Variants in PLD1 observed in about 807,000 individuals in gnomAD.
The protein encoded by PLD1 is choline phosphatase 1.
PLD1 carries 112 observed loss-of-function variants against 137.1 expected under a neutral mutation model. The observed-to-expected ratio is 0.82, with a 90% CI of 0.70 to 0.96. PLD1 has a LOEUF of 0.96. PLD1 is among the 40% of genes least tolerant of loss of function. The probability of loss-of-function intolerance (pLI) is 0.00; values close to 1 mark genes in which losing one functional copy is unlikely to be tolerated. For missense variants in PLD1, 1,321 were observed against 1,342.0 expected (o/e 0.98, Z 0.24); for synonymous variants, 431 against 454.7 (o/e 0.95, Z 0.66).
chr3:171,648,822 G>A (rs1323583610), intron 21 of PLD1, among the ~76,000 whole-genome samples: 1 of 152,106 alleles, frequency 6.6e-6, no homozygotes, highest in African/African-American at 2.4e-5. Flanking sequence ...CCAAAGTGCT[G>A]GTATTACAGG....
At chr3:171,651,964 T>C (rs917231478) in intron 21 of PLD1, among the ~76,000 whole-genome samples, 3 of 152,154 alleles carry the variant, frequency 2.0e-5, no homozygotes, top group Admixed American at 6.5e-5. Flanking sequence ...ATTTTTAGAA[T>C]AGAATAAAAG....
At chr3:171,708,726 GA>G (rs1243100786) in intron 11 of PLD1, 28 bp downstream of exon 11, 5 of 1,254,466 alleles carry the variant, frequency 4.0e-6, no homozygotes, top group Non-Finnish European at 5.9e-6. Flanking sequence ...GAGACTTCCA[GA>G]AAAAAATTCC....
At chr3:171,690,285 T>C (rs1233264946) in intron 13 of PLD1, among the ~76,000 whole-genome samples, 1 of 152,102 alleles carries the variant, frequency 6.6e-6, no homozygotes. Context: ...GGTTTGTTGA[T>C]TTTATCTTTT....
At chr3:171,626,621 A>ATTTGCTTTACAGACAAGCAAATGCTG (rs1560157237) in intron 23 of PLD1, among the ~76,000 whole-genome samples, 16 of 152,014 alleles carry the variant, frequency 1.1e-4, no homozygotes, top group African/African-American at 3.9e-4. Flanking sequence ...GGTTACCCAC[A>ATTTGCTTTACAGACAAGCAAATGCTG]AAGGGAAGCC....
At position 171,669,862 on chromosome 3, in the gene PLD1, C is replaced by T. The variant is rs368010079; in HGVS notation, c.2229+4638G>A. 3.3e-5 allele frequency among the ~76,000 whole-genome samples: 5 copies of T among 152,326 alleles called. No homozygotes were observed. In the East Asian group the frequency reaches 5.8e-4, roughly 18 times the overall value. On this transcript the variant is annotated intron_variant, in intron 19 of 26. Transcript: ENST00000351298. ...ATGTTTTTTAAATGAATGAAACATA[C>T]TGCAGAGTGAAGTAATTTTCCCGAG...
chr3:171,740,013 G>C (rs185091968), intron 1 of PLD1, among the ~76,000 whole-genome samples: 1 of 152,276 alleles, frequency 6.6e-6, no homozygotes, highest in East Asian at 1.9e-4. Context: ...GTTACCACAG[G>C]ATGAAGCCAT....
intron 25 of PLD1, among the ~76,000 whole-genome samples, chr3:171,607,447 G>A: frequency 6.6e-6 from 1 of 152,080 alleles, no homozygotes; most frequent in East Asian, 1.9e-4. Context: ...GTAAGGGCTT[G>A]TTTGTAGAAA....
intron 20 of PLD1, 101 bp downstream of exon 20, chr3:171,661,959 C>T (rs1173773557): frequency 1.6e-6 from 1 of 615,688 alleles, no homozygotes; most frequent in Non-Finnish European, 2.9e-6. Flanking sequence ...TCAAAATATA[C>T]TTATTAATAT....
chr3:171,690,901 C>G (rs1292495310), intron 13 of PLD1, among the ~76,000 whole-genome samples: 1 of 152,166 alleles, frequency 6.6e-6, no homozygotes, highest in African/African-American at 2.4e-5. Context: ...TCTGGTTGCT[C>G]TAACCATTAC....
At chr3:171,694,400 G>C (rs1018583383) in intron 12 of PLD1, among the ~76,000 whole-genome samples, 1 of 152,094 alleles carries the variant, frequency 6.6e-6, no homozygotes, top group Non-Finnish European at 1.5e-5. Context: ...AAAGTGAACA[G>C]ATTAATTTTA....
chr3:171,667,639 T>C (rs933507362), intron 19 of PLD1, among the ~76,000 whole-genome samples: 3 of 152,150 alleles, frequency 2.0e-5, no homozygotes, highest in Non-Finnish European at 2.9e-5. Context: ...ACATGAAACT[T>C]TGCTCTGCTA....
intron 1 of PLD1, among the ~76,000 whole-genome samples, chr3:171,740,390 GTAA>G: frequency 6.6e-6 from 1 of 152,142 alleles, no homozygotes; most frequent in Admixed American, 6.5e-5. Context: ...AAAATACAAG[GTAA>G]TGAAAAATTT....
At chr3:171,803,145 G>T (rs1713721215) in intron 1 of PLD1, among the ~76,000 whole-genome samples, 1 of 152,230 alleles carries the variant, frequency 6.6e-6, no homozygotes, top group Non-Finnish European at 1.5e-5. Context: ...TCAGGAGGTT[G>T]CAGGGAGAAT....
intron 1 of PLD1, among the ~76,000 whole-genome samples, chr3:171,755,611 A>T (rs1321897379): frequency 3.3e-5 from 5 of 152,124 alleles, no homozygotes; most frequent in African/African-American, 1.2e-4. Flanking sequence ...GGGTGATCTC[A>T]TCCACTCTAA....
chr3:171,714,144 CTG>C, intron 8 of PLD1, 99 bp from the exon 9 acceptor site: 1 of 696,408 alleles, frequency 1.4e-6, no homozygotes, highest in Non-Finnish European at 2.4e-6. Flanking sequence ...CTCTGGCAGA[CTG>C]TAGACATAAT....
chr3:171,639,425 T>C (rs1344410033), intron 23 of PLD1, among the ~76,000 whole-genome samples: 2 of 124,702 alleles, frequency 1.6e-5, no homozygotes, highest in African/African-American at 6.4e-5. Context: ...TTTTAATTTA[T>C]ATTTTATATA....
Position 171,737,514 on chromosome 3 carries a change from GTCCATAAACGC to G in PLD1, c.288+7_288+17del. The G allele has an allele frequency of 6.3e-7, 1 of 1,593,774 alleles. No homozygotes were observed. The highest frequency in any genetic ancestry group is 8.5e-7 in the Non-Finnish European group (1 of 1,174,308). On this transcript the variant is annotated splice_region_variant and intron_variant, in intron 3 of 26. Transcript: ENST00000351298. The stretch of plus-strand genomic sequence containing the variant: ...ATATTGACAAAAGAAAAAAGGGTGA[GTCCATAAACGC>G]TCTGACCCTTGTTGTAGATGTGAAG...
At chr3:171,719,004 T>C (rs1180390182) in intron 8 of PLD1, among the ~76,000 whole-genome samples, 1 of 152,270 alleles carries the variant, frequency 6.6e-6, no homozygotes, top group Admixed American at 6.5e-5. Flanking sequence ...ATAAGCCCAC[T>C]TGAGCCAGCC....
intron 19 of PLD1, among the ~76,000 whole-genome samples, chr3:171,664,015 C>A (rs528200184): frequency 3.7e-4 from 57 of 152,182 alleles, no homozygotes; most frequent in Admixed American, 1.2e-3. Flanking sequence ...ACTGTGCCAT[C>A]CTCAGTAGTG....
Sources: gnomAD v4.1 joint callset for allele counts (sites outside exome capture counted in the v4.1 genomes callset) on GRCh38, gnomAD v4.1.1 for gene constraint, MANE v1.5 for transcripts, NCBI Gene and HGNC (gene_info 2026-07-23, HGNC 2026-07-21) for gene names.